Variants in CNTNAP4 observed in about 807,000 individuals in gnomAD.
CNTNAP4 encodes the protein contactin associated protein family member 4.
CNTNAP4 carries 98 observed loss-of-function variants against 148.4 expected under a neutral mutation model. The ratio of observed to expected loss-of-function variants is 0.66; its 90% CI spans 0.56 to 0.78. The LOEUF is 0.78. Among genes scored for constraint, CNTNAP4 ranks in the 30% least tolerant of loss-of-function variants. The pLI is 0.00. For synonymous variants in CNTNAP4, 730 were observed against 565.1 expected, an observed-to-expected ratio of 1.29 and a Z score of -4.14; for missense variants, 1,935 against 1,565.6, an observed-to-expected ratio of 1.24 and a Z score of -3.98.
In CNTNAP4 at chr16:76,533,805, G is replaced by T. The variant is rs138777796; in HGVS notation, c.2756-1740G>T. 5.4e-3 allele frequency among the ~76,000 whole-genome samples: 827 copies of T among 152,252 alleles called. 7 individuals carry two copies. The highest frequency in any genetic ancestry group is 0.019 in the African/African-American group (787 of 41,556). On this transcript the variant is annotated intron_variant, in intron 17 of 23. Transcript: ENST00000611870. ...TGCCCACTTGTGACAATGGCAATAT[G>T]TTGACACTCTCTAGATTTATAAATA...
At chr16:76,557,276 A>C (rs540710277) in intron 23 of CNTNAP4, 1 of 152,264 alleles carries the variant, frequency 6.6e-6, no homozygotes, top group South Asian at 2.1e-4. Context: ...TACTTCATTC[A>C]TTTTAGAGAA....
At chr16:76,514,439 A>G (rs1289300920) in intron 15 of CNTNAP4, among the ~76,000 whole-genome samples, 1 of 152,262 alleles carries the variant, frequency 6.6e-6, no homozygotes. Flanking sequence ...CAAAACTAGT[A>G]TAAGACTAAT....
intron 3 of CNTNAP4, among the ~76,000 whole-genome samples, chr16:76,411,784 G>A (rs1228872231): frequency 2.6e-5 from 4 of 151,342 alleles, no homozygotes; most frequent in East Asian, 1.9e-4. Flanking sequence ...TTCATAGTTA[G>A]CATGCTTATT....
chr16:76,448,061 T>A lies in CNTNAP4; in HGVS notation c.588T>A (p.Phe196Leu). The change falls in exon 5 of 24, where the codon TTT (phenylalanine) becomes TTA (leucine). Residue 196 changes from phenylalanine to leucine, a missense_variant. Coordinates refer to ENST00000611870, the MANE Select transcript of CNTNAP4 (RefSeq NM_033401.5). ...LDGKSSLLYR[F>L]DQKSLSPIKD... ...GAAAAAGTTCCCTTCTCTACAGATTTGATCAAAAATCCCTGAGCCCAATAA... is the reference window on the plus strand; with the variant it reads ...GAAAAAGTTCCCTTCTCTACAGATTAGATCAAAAATCCCTGAGCCCAATAA... 1.2e-6 allele frequency: 2 copies of A among 1,613,796 alleles called. No individual in the cohort carries two copies. The highest frequency in any genetic ancestry group is 1.7e-6 in the Non-Finnish European group (2 of 1,179,754).
intron 17 of CNTNAP4, among the ~76,000 whole-genome samples, chr16:76,524,709 G>T (rs1031165952): frequency 1.3e-5 from 2 of 152,098 alleles, no homozygotes; most frequent in African/African-American, 2.4e-5. Context: ...GGAGGCAATT[G>T]GTTAGGCCTT....
chr16:76,489,569 T>C (rs1288911450), intron 12 of CNTNAP4, 117 bp from the exon 13 acceptor site: 1 of 515,396 alleles, frequency 1.9e-6, no homozygotes, highest in Non-Finnish European at 3.2e-6. Context: ...TCAGGGAAGT[T>C]TGATGACTAG....
intron 8 of CNTNAP4, among the ~76,000 whole-genome samples, chr16:76,457,532 T>C (rs1487521539): frequency 6.6e-6 from 1 of 152,226 alleles, no homozygotes; most frequent in Admixed American, 6.5e-5. Flanking sequence ...ATCTATTTTT[T>C]GCTTCTGTAT....
intron 3 of CNTNAP4, among the ~76,000 whole-genome samples, chr16:76,424,975 A>G (rs191793772): frequency 8.9e-4 from 136 of 152,266 alleles, no homozygotes; most frequent in African/African-American, 3.0e-3. Context: ...TTGAGACTGT[A>G]GTGCTCTAGA....
intron 15 of CNTNAP4, among the ~76,000 whole-genome samples, chr16:76,513,844 G>C (rs578116989): frequency 6.6e-6 from 1 of 152,218 alleles, no homozygotes; most frequent in South Asian, 2.1e-4. Flanking sequence ...TAAAGGAATC[G>C]CACTTTTGTT....
At chr16:76,284,636 T>C (rs113775408) in intron 1 of CNTNAP4, among the ~76,000 whole-genome samples, 89 of 152,118 alleles carry the variant, frequency 5.9e-4, no homozygotes, top group Non-Finnish European at 9.9e-4. Flanking sequence ...AAAAATGTCA[T>C]TGACTGTTGA....
chr16:76,536,771 G>T (rs1376257299), intron 18 of CNTNAP4, among the ~76,000 whole-genome samples: 1 of 152,074 alleles, frequency 6.6e-6, no homozygotes, highest in African/African-American at 2.4e-5. Flanking sequence ...AACAGTTGTA[G>T]GATTAAGTGT....
intron 2 of CNTNAP4, among the ~76,000 whole-genome samples, chr16:76,354,567 A>G (rs151237389): frequency 6.6e-6 from 1 of 152,150 alleles, no homozygotes; most frequent in Non-Finnish European, 1.5e-5. Flanking sequence ...GCTTATTTGC[A>G]GAGTTTGCAG....
At chr16:76,494,727 TA>T (rs1053189875) in intron 13 of CNTNAP4, among the ~76,000 whole-genome samples, 182 bp from the exon 14 acceptor site, 2 of 152,128 alleles carry the variant, frequency 1.3e-5, no homozygotes, top group Non-Finnish European at 1.5e-5. Flanking sequence ...AACTTTTTTA[TA>T]AAAAAAGTGT....
At chr16:76,312,135 A>C (rs748639331) in intron 1 of CNTNAP4, among the ~76,000 whole-genome samples, 1 of 152,148 alleles carries the variant, frequency 6.6e-6, no homozygotes, top group Non-Finnish European at 1.5e-5. Flanking sequence ...TTGTTTCTCA[A>C]CCTTGGCACT....
At chr16:76,382,760 C>G (rs1259698986) in intron 3 of CNTNAP4, among the ~76,000 whole-genome samples, 1 of 152,174 alleles carries the variant, frequency 6.6e-6, no homozygotes, top group Non-Finnish European at 1.5e-5. Flanking sequence ...CTAAATACCA[C>G]TTTCCTCTAA....
intron 3 of CNTNAP4, among the ~76,000 whole-genome samples, chr16:76,386,699 A>G (rs1223954777): frequency 6.6e-6 from 1 of 152,170 alleles, no homozygotes; most frequent in African/African-American, 2.4e-5. Context: ...CCTTCCAAAG[A>G]TGTTCACTAC....
chr16:76,443,049 C>T (rs967876920), intron 4 of CNTNAP4, among the ~76,000 whole-genome samples: 7 of 152,054 alleles, frequency 4.6e-5, no homozygotes, highest in Non-Finnish European at 8.8e-5. Context: ...AGTTCATACC[C>T]TGCCCATAGT....
intron 12 of CNTNAP4, among the ~76,000 whole-genome samples, chr16:76,489,226 CA>C (rs750638346): frequency 4.9e-4 from 74 of 152,080 alleles, no homozygotes; most frequent in Non-Finnish European, 8.5e-4. Context: ...TTCTAATATA[CA>C]TTTTTTTAAA....
Position 76,447,995 on chromosome 16 carries a change from A to G in CNTNAP4, c.539-17A>G. ...GATATTTATCCTTAGAATGCCTTCT[A>G]CTATCTTTGTTTCTAGGATCAGAAG... On this transcript the variant is annotated splice_polypyrimidine_tract_variant and intron_variant, in intron 4 of 23. Coordinates refer to ENST00000611870, the MANE Select transcript of CNTNAP4 (RefSeq NM_033401.5). 1.3e-6 allele frequency: 2 copies of G among 1,574,366 alleles called. No homozygotes were observed. Among genetic ancestry groups the G allele is most frequent in the South Asian group, 1.1e-5 (1 of 89,958 alleles).
Sources: gnomAD v4.1 joint callset for allele counts (sites outside exome capture counted in the v4.1 genomes callset) on GRCh38, gnomAD v4.1.1 for gene constraint, MANE v1.5 for transcripts, NCBI Gene and HGNC (gene_info 2026-07-23, HGNC 2026-07-21) for gene names.